Variants in MGAT5 observed in about 807,000 individuals in gnomAD.
MGAT5 encodes alpha-1,6-mannosylglycoprotein 6-beta-N-acetylglucosaminyltransferase A.
A neutral mutation model predicts 94.3 loss-of-function variants in MGAT5; 30 were observed. The observed-to-expected ratio is 0.32, with a 90% CI of 0.24 to 0.43. The LOEUF is 0.43. Ranked by LOEUF, MGAT5 falls within the 20% of genes least tolerant of loss-of-function variation. MGAT5 has a pLI of 1.00. For missense variants in MGAT5, 691 were observed against 905.5 expected (o/e 0.76, Z 3.04); for synonymous variants, 310 against 322.9 (o/e 0.96, Z 0.43).
chr2:134,154,021 A>T (rs1359085304), intron 1 of MGAT5, among the ~76,000 whole-genome samples: 1 of 152,156 alleles, frequency 6.6e-6, no homozygotes, highest in Non-Finnish European at 1.5e-5. Context: ...TCCTATGGAA[A>T]AAAAATACCC....
intron 15 of MGAT5, among the ~76,000 whole-genome samples, chr2:134,447,738 G>A (rs1348861047): frequency 6.6e-6 from 1 of 152,240 alleles, no homozygotes; most frequent in Non-Finnish European, 1.5e-5. Flanking sequence ...GGCCAAAACT[G>A]TTGGGAATGG....
intron 1 of MGAT5, among the ~76,000 whole-genome samples, chr2:134,143,365 A>G (rs1192589223): frequency 1.3e-5 from 2 of 152,226 alleles, no homozygotes; most frequent in Non-Finnish European, 2.9e-5. Flanking sequence ...TCTCAATTTG[A>G]GAAAGCACTG....
At chr2:134,157,845 T>A (rs894196110) in intron 1 of MGAT5, among the ~76,000 whole-genome samples, 2 of 151,758 alleles carry the variant, frequency 1.3e-5, no homozygotes, top group Non-Finnish European at 2.9e-5. Context: ...AACCAGAGGG[T>A]GAGCAAGGCA....
rs1473785977 is a variant in MGAT5, at chr2:134,336,225, T to C, written c.582T>C (p.Asn194=). ...SFFIYLSEVE[N]WCPHLPWRAK... ...TCACTGATGCTTTTTAGGTTGAAAA[T>C]TGGTGTCCTCATTTACCTTGGAGAG... Residue 194 remains asparagine, a synonymous_variant, in exon 5 of 16, where the codon AAT becomes AAC. Transcript: ENST00000281923. 1 of 1,612,282 alleles carries C rather than the reference T, an allele frequency of 6.2e-7. No homozygotes were observed.
intron 1 of MGAT5, among the ~76,000 whole-genome samples, chr2:134,178,528 G>A (rs189907466): frequency 6.6e-6 from 1 of 152,290 alleles, no homozygotes; most frequent in East Asian, 1.9e-4. Flanking sequence ...ACCTCCCACA[G>A]GCCAGCACTA....
chr2:134,164,545 G>C (rs927844687), intron 1 of MGAT5, among the ~76,000 whole-genome samples: 3 of 152,106 alleles, frequency 2.0e-5, no homozygotes, highest in Admixed American at 2.0e-4. Context: ...TTCCTGAGGT[G>C]TGGTTGCACA....
intron 2 of MGAT5, among the ~76,000 whole-genome samples, chr2:134,284,332 T>A (rs1020320254): frequency 2.0e-5 from 3 of 152,242 alleles, no homozygotes; most frequent in African/African-American, 7.2e-5. Context: ...AATAAAGTTT[T>A]ATTAGAACAC....
chr2:134,148,759 GTT>G (rs748584511), intron 1 of MGAT5, among the ~76,000 whole-genome samples: 2 of 118,702 alleles, frequency 1.7e-5, no homozygotes, highest in Non-Finnish European at 1.7e-5. Flanking sequence ...TCTTTCTTAG[GTT>G]TTTTTTTTTT....
At chr2:134,260,731 T>A (rs1219563433) in intron 1 of MGAT5, among the ~76,000 whole-genome samples, 1 of 149,114 alleles carries the variant, frequency 6.7e-6, no homozygotes, top group East Asian at 2.0e-4. Flanking sequence ...GGGCTGGGAC[T>A]GTTGTGGGAT....
intron 1 of MGAT5, among the ~76,000 whole-genome samples, chr2:134,192,027 C>G (rs1010573747): frequency 6.9e-6 from 1 of 145,364 alleles, no homozygotes; most frequent in Middle Eastern, 4.1e-3. Context: ...GAGCGGGTTC[C>G]TGATTGAAGG....
upstream of MGAT5, chr2:134,119,939 C>G (rs956295538): frequency 1.3e-4 from 20 of 151,862 alleles, no homozygotes; most frequent in African/African-American, 4.8e-4. Context: ...CCTTCTAGAG[C>G]CGCGAGCCCA....
At chr2:134,300,867 A>G (rs945324832) in intron 2 of MGAT5, among the ~76,000 whole-genome samples, 1 of 152,168 alleles carries the variant, frequency 6.6e-6, no homozygotes, top group Non-Finnish European at 1.5e-5. Context: ...GCACACATTT[A>G]AGCAACTTAG....
At chr2:134,312,931 G>A (rs1020149128) in intron 2 of MGAT5, among the ~76,000 whole-genome samples, 3 of 151,618 alleles carry the variant, frequency 2.0e-5, no homozygotes, top group Non-Finnish European at 2.9e-5. Flanking sequence ...CCTGTATTAC[G>A]CTATTTCTAT....
chr2:134,419,077 TA>T (rs1356584241), intron 12 of MGAT5, among the ~76,000 whole-genome samples: 1 of 152,272 alleles, frequency 6.6e-6, no homozygotes, highest in African/African-American at 2.4e-5. Context: ...AACCAGAGTA[TA>T]CATAATTACA....
At chr2:134,353,315 T>C (rs970951467) in intron 9 of MGAT5, among the ~76,000 whole-genome samples, 12 of 152,204 alleles carry the variant, frequency 7.9e-5, no homozygotes, top group African/African-American at 2.4e-4. Flanking sequence ...AGATTATTAC[T>C]TAAGTGGCTT....
chr2:134,429,073 T>C (rs772881282), intron 14 of MGAT5, among the ~76,000 whole-genome samples: 13 of 152,200 alleles, frequency 8.5e-5, no homozygotes, highest in Non-Finnish European at 1.8e-4. Context: ...GAGCTAGAAA[T>C]AGACGGACTC....
In MGAT5 at chr2:134,189,602, GTTTTT is replaced by G. The variant is rs912983981; in HGVS notation, c.-142-64646_-142-64642del. On this transcript the variant is annotated intron_variant, in intron 1 of 16. Coordinates refer to the MGAT5 transcript ENST00000409645. ...AACCTCATGGCTCTAGTTTTTTTTT[GTTTTT>G]TTTTTTTTTTTTTAAGACAGAGTCT... 8.6e-3 allele frequency among the ~76,000 whole-genome samples: 726 copies of G among 84,672 alleles called. 25 individuals carry two copies. Among genetic ancestry groups the G allele is most frequent in the Non-Finnish European group, 0.012 (544 of 43,596 alleles). The allele number at this position is 84,672 out of a possible 152,430, so 55.5% of individuals were successfully genotyped here. A position where few individuals can be genotyped will look rare whatever the true frequency, so the allele number is the denominator to read the frequency against.
At position 134,177,425 on chromosome 2, in the gene MGAT5, G is replaced by C. The variant is rs191304066; in HGVS notation, c.-143+57134G>C. 2.3e-3 allele frequency among the ~76,000 whole-genome samples: 353 copies of C among 152,250 alleles called. 3 individuals are homozygous for C. In the Middle Eastern group the frequency reaches 0.031, roughly 13 times the overall value. On this transcript the variant is annotated intron_variant, in intron 1 of 16. Transcript: ENST00000409645. ...TTAGGGCCGGGTCTGGCTGTGGTTAGCGTCACTTTCTACTCGCATTCCATT... is the reference window on the plus strand; with the variant it reads ...TTAGGGCCGGGTCTGGCTGTGGTTACCGTCACTTTCTACTCGCATTCCATT...
chr2:134,307,190 C>G (rs138521189), intron 2 of MGAT5, among the ~76,000 whole-genome samples: 89 of 152,178 alleles, frequency 5.8e-4, no homozygotes, highest in Admixed American at 1.0e-3. Context: ...GCATTAGAAG[C>G]TGCTGTTAAT....
Sources: allele counts gnomAD v4.1 joint callset (sites outside exome capture counted in the v4.1 genomes callset), GRCh38; gene constraint gnomAD v4.1.1; transcripts MANE v1.5; gene names NCBI Gene and HGNC (gene_info 2026-07-23, HGNC 2026-07-21).